The following RERE variants were observed in gnomAD, a reference collection of about 807,000 sequenced individuals.
RERE encodes arginine-glutamic acid dipeptide repeats protein.
RERE carries 40 observed loss-of-function variants against 146.1 expected under a neutral mutation model. The observed-to-expected ratio is 0.27, with a 90% CI of 0.21 to 0.36. The LOEUF is 0.36. Among genes scored for constraint, RERE ranks in the 10% least tolerant of loss-of-function variants. RERE has a pLI of 1.00. For missense variants in RERE, 1,933 were observed against 2,138.7 expected (o/e 0.90, Z 1.90); for synonymous variants, 1,003 against 866.0 (o/e 1.16, Z -2.78).
At chr1:8,389,024 T>C (rs960713368) in intron 12 of RERE, among the ~76,000 whole-genome samples, 2 of 152,222 alleles carry the variant, frequency 1.3e-5, no homozygotes, top group African/African-American at 4.8e-5. Flanking sequence ...CTTCTCTTTC[T>C]TAGGATCACT....
At position 8,359,808 on chromosome 1, in the gene RERE, G is replaced by GCTCCCGCTCCTT. The variant is rs1553154744; in HGVS notation, c.3573_3574insAAGGAGCGGGAG (p.Glu1191_Arg1192insLysGluArgGlu). The GCTCCCGCTCCTT allele has an allele frequency of 2.5e-6, 4 of 1,604,562 alleles. No individual in the cohort carries two copies. In the Admixed American group the frequency reaches 6.7e-5, roughly 27 times the overall value. ...CGCTCCCGCTCTCGCTCCCGCTCCC[G>GCTCCCGCTCCTT]CTCCTTCTCCTTCTCCTTCTCCCGC... On this transcript the variant is annotated inframe_insertion, in exon 19 of 23. Coordinates refer to ENST00000400908, the MANE Select transcript of RERE (RefSeq NM_001042681.2).
intron 11 of RERE, among the ~76,000 whole-genome samples, chr1:8,454,387 A>AT (rs145437735): frequency 0.028 from 4,261 of 152,246 alleles, 171 homozygotes; most frequent in African/African-American, 0.097. Context: ...AAGTGAAAGG[A>AT]TGGGGCAGGC....
chr1:8,682,560 A>C (rs74358245), intron 1 of RERE, among the ~76,000 whole-genome samples: 1,930 of 152,256 alleles, frequency 0.013, 39 homozygotes, highest in African/African-American at 0.044. Context: ...TTATGAGTGT[A>C]TTTCTTGATT....
intron 1 of RERE, among the ~76,000 whole-genome samples, chr1:8,718,560 G>A (rs1420940788): frequency 6.6e-6 from 1 of 152,208 alleles, no homozygotes; most frequent in Non-Finnish European, 1.5e-5. Flanking sequence ...TTCATCAATA[G>A]TGAAGTTTAG....
chr1:8,534,625 C>T (rs571094590), intron 7 of RERE, among the ~76,000 whole-genome samples: 1 of 152,154 alleles, frequency 6.6e-6, no homozygotes, highest in East Asian at 1.9e-4. Flanking sequence ...TGAATAACAA[C>T]AGCAGCAGGT....
intron 1 of RERE, among the ~76,000 whole-genome samples, chr1:8,667,644 T>G (rs1638607707): frequency 6.6e-6 from 1 of 152,144 alleles, no homozygotes; most frequent in Non-Finnish European, 1.5e-5. Context: ...GCCACTGCAC[T>G]CCAGCCTGGG....
intron 12 of RERE, 55 bp downstream of exon 12, chr1:8,422,672 G>C: frequency 7.9e-7 from 1 of 1,263,480 alleles, no homozygotes; most frequent in South Asian, 1.2e-5. Context: ...AATGTGGAGA[G>C]GCAGCAGGAG....
At chr1:8,518,446 T>C (rs1283026168) in intron 7 of RERE, among the ~76,000 whole-genome samples, 8 of 152,216 alleles carry the variant, frequency 5.3e-5, no homozygotes, top group Non-Finnish European at 1.0e-4. Context: ...GACATTCTTA[T>C]CTTTTCCACA....
At chr1:8,418,110 C>A (rs1278912759) in intron 12 of RERE, among the ~76,000 whole-genome samples, 2 of 152,208 alleles carry the variant, frequency 1.3e-5, no homozygotes, top group Non-Finnish European at 1.5e-5. Context: ...TGGCTCCCTG[C>A]AGGGCAGGGA....
At chr1:8,358,115 C>A (rs750555724) in intron 20 of RERE, 81 bp downstream of exon 20, 128 of 1,518,448 alleles carry the variant, frequency 8.4e-5, no homozygotes, top group Non-Finnish European at 1.1e-4. Context: ...ACAGTTTCCG[C>A]TCCTGGATGG....
In RERE at chr1:8,596,882, G is replaced by A. The variant is rs148463629; in HGVS notation, c.522+17679C>T. 2.7e-4 allele frequency among the ~76,000 whole-genome samples: 41 copies of A among 152,128 alleles called. No homozygotes were observed. The East Asian group carries it at 7.5e-3, about 28-fold the overall frequency. On this transcript the variant is annotated intron_variant, in intron 4 of 22. Coordinates refer to ENST00000400908, the MANE Select transcript of RERE (RefSeq NM_001042681.2). ...CAGCGTGTCTATCTTTGGAAACAGC[G>A]CTGCCACAAGGTACCTGGTGGTGTT...
At chr1:8,492,703 C>CCCAGG (rs1644994120) in intron 10 of RERE, among the ~76,000 whole-genome samples, 1 of 152,116 alleles carries the variant, frequency 6.6e-6, no homozygotes, top group African/African-American at 2.4e-5. Context: ...AGTCCGAGAC[C>CCCAGG]AGCCTGGGCA....
intron 7 of RERE, among the ~76,000 whole-genome samples, chr1:8,509,426 A>ATCCGTCCGTCCG (rs1374215055): frequency 7.0e-5 from 6 of 85,822 alleles, no homozygotes; most frequent in African/African-American, 1.8e-4. Context: ...CCATCCATCC[A>ATCCGTCCGTCCG]TCCATCCATC....
At chr1:8,504,070 A>C (rs1356681761) in intron 8 of RERE, among the ~76,000 whole-genome samples, 2 of 152,222 alleles carry the variant, frequency 1.3e-5, no homozygotes, top group Non-Finnish European at 2.9e-5. Flanking sequence ...TTTAGAATGT[A>C]TTTTATCTTT....
chr1:8,781,853 A>G (rs766612168), intron 1 of RERE, among the ~76,000 whole-genome samples: 35 of 152,198 alleles, frequency 2.3e-4, no homozygotes, highest in Non-Finnish European at 4.1e-4. Context: ...TATAAAAGAA[A>G]TCTCAAGGAA....
chr1:8,589,644 T>C (rs554815365), intron 4 of RERE, among the ~76,000 whole-genome samples: 124 of 152,364 alleles, frequency 8.1e-4, no homozygotes, highest in African/African-American at 2.1e-3. Flanking sequence ...ATTTATTTTA[T>C]TGGAGAAAGG....
At chr1:8,579,909 C>T (rs1646342699) in intron 4 of RERE, among the ~76,000 whole-genome samples, 1 of 152,176 alleles carries the variant, frequency 6.6e-6, no homozygotes, top group African/African-American at 2.4e-5. Flanking sequence ...GAGGCTGAGA[C>T]AGGAGAACTG....
chr1:8,809,157 A>AAAAAAAAAAAAAAAAT (rs985140466), intron 1 of RERE, among the ~76,000 whole-genome samples: 1 of 146,122 alleles, frequency 6.8e-6, no homozygotes, highest in African/African-American at 2.8e-5. Flanking sequence ...AAAAAAAAAA[A>AAAAAAAAAAAAAAAAT]AAAGTACTGA....
intron 4 of RERE, among the ~76,000 whole-genome samples, chr1:8,613,883 A>G (rs1261173947): frequency 6.6e-6 from 1 of 152,214 alleles, no homozygotes; most frequent in Non-Finnish European, 1.5e-5. Flanking sequence ...CTTTCCTAAA[A>G]AAAGGGAGAT....
Sources: allele counts gnomAD v4.1 joint callset (sites outside exome capture counted in the v4.1 genomes callset), GRCh38; gene constraint gnomAD v4.1.1; transcripts MANE v1.5; gene names NCBI Gene and HGNC (gene_info 2026-07-23, HGNC 2026-07-21).